Variants in CLVS1 observed in about 807,000 individuals in gnomAD.
The protein encoded by CLVS1 is clavesin-1.
In CLVS1, 10 loss-of-function variants were observed where a neutral mutation model predicts 33.1. The observed-to-expected ratio is 0.30, with a 90% CI of 0.19 to 0.51. The LOEUF is 0.51. CLVS1 is among the 20% of genes least tolerant of loss of function. The pLI is 0.97. For missense variants in CLVS1, 343 were observed against 433.4 expected (o/e 0.79, Z 1.85); for synonymous variants, 163 against 166.1 (o/e 0.98, Z 0.14).
At chr8:61,066,829 C>T (rs1263505337) in intron 1 of CLVS1, among the ~76,000 whole-genome samples, 1 of 152,182 alleles carries the variant, frequency 6.6e-6, no homozygotes, top group Non-Finnish European at 1.5e-5. Flanking sequence ...TTGTTCCTGC[C>T]AAATTAGCCA....
intron 2 of CLVS1, among the ~76,000 whole-genome samples, chr8:61,216,458 C>T (rs1353462018): frequency 1.3e-5 from 2 of 152,126 alleles, no homozygotes; most frequent in African/African-American, 4.8e-5. Flanking sequence ...TCAGCTTCCT[C>T]AGAAAGATGA....
At chr8:61,127,528 T>G (rs1170702453) in intron 1 of CLVS1, among the ~76,000 whole-genome samples, 1 of 152,060 alleles carries the variant, frequency 6.6e-6, no homozygotes, top group Non-Finnish European at 1.5e-5. Context: ...GCCTCAAGCA[T>G]TTTTTTAAGC....
At chr8:60,982,221 T>A in the CLVS1 span, among the ~76,000 whole-genome samples, 1 of 152,242 alleles carries the variant, frequency 6.6e-6, no homozygotes, top group African/African-American at 2.4e-5. Flanking sequence ...ATTAATTTCT[T>A]TGCACTGATT....
chr8:61,284,169 T>C (rs1298519157), upstream of CLVS1, among the ~76,000 whole-genome samples: 2 of 152,128 alleles, frequency 1.3e-5, no homozygotes, highest in Non-Finnish European at 2.9e-5. Flanking sequence ...TAAAGTGTTG[T>C]TGTCATAGAA....
In CLVS1 at chr8:61,059,831, G is replaced by A. The variant is rs138706104; in HGVS notation, c.-243+2601G>A. ...ATCTCAAAAAAAAAAAATAGTGAACGTATATTTATTCTGCAGCCTCCCTTG... is the reference window on the plus strand; with the variant it reads ...ATCTCAAAAAAAAAAAATAGTGAACATATATTTATTCTGCAGCCTCCCTTG... On this transcript the variant is annotated intron_variant, in intron 1 of 2. Transcript: ENST00000522621. Among the ~76,000 whole-genome samples the A allele has an allele frequency of 1.8e-3, 273 of 151,842 alleles. 3 individuals are homozygous for A. In the East Asian group the frequency reaches 0.038, roughly 21 times the overall value.
intron 2 of CLVS1, among the ~76,000 whole-genome samples, chr8:61,273,658 G>C (rs537374345): frequency 6.6e-6 from 1 of 152,198 alleles, no homozygotes; most frequent in Non-Finnish European, 1.5e-5. Context: ...GTGGGCGTAG[G>C]ACCCTCCGAG....
At chr8:61,244,885 A>G (rs1808774854) in intron 2 of CLVS1, among the ~76,000 whole-genome samples, 1 of 152,160 alleles carries the variant, frequency 6.6e-6, no homozygotes, top group African/African-American at 2.4e-5. Flanking sequence ...AACTGCAAAA[A>G]GTCTATTGAT....
intron 1 of CLVS1, among the ~76,000 whole-genome samples, chr8:61,130,973 G>T (rs1199977213): frequency 1.3e-5 from 2 of 152,214 alleles, no homozygotes; most frequent in Non-Finnish European, 2.9e-5. Flanking sequence ...AGGAGTATTT[G>T]GTTTGAGCCC....
chr8:61,194,383 CA>C (rs138645408), intron 2 of CLVS1, among the ~76,000 whole-genome samples: 1 of 151,724 alleles, frequency 6.6e-6, no homozygotes, highest in Non-Finnish European at 1.5e-5. Flanking sequence ...AAATACTAAC[CA>C]AAAAACCCTG....
intron 1 of CLVS1, among the ~76,000 whole-genome samples, chr8:61,088,116 T>A (rs1805158615): frequency 6.6e-6 from 1 of 152,250 alleles, no homozygotes; most frequent in African/African-American, 2.4e-5. Context: ...TGTGCTTCAC[T>A]GATTCATCCA....
chr8:61,449,484 A>G (rs182460924), intron 3 of CLVS1, among the ~76,000 whole-genome samples: 24 of 152,300 alleles, frequency 1.6e-4, no homozygotes. Flanking sequence ...ATCTTGTTAC[A>G]GCCTTGCTAG....
chr8:61,440,993 C>T (rs565251090), intron 3 of CLVS1, among the ~76,000 whole-genome samples: 1 of 152,098 alleles, frequency 6.6e-6, no homozygotes, highest in African/African-American at 2.4e-5. Flanking sequence ...ATTGCATGAG[C>T]ACTTCATTTT....
At chr8:61,252,414 C>T (rs1563463465) in intron 2 of CLVS1, among the ~76,000 whole-genome samples, 1 of 152,148 alleles carries the variant, frequency 6.6e-6, no homozygotes, top group Non-Finnish European at 1.5e-5. Context: ...GTGGAGAGTT[C>T]TTCAGATGTC....
At chr8:60,997,323 G>A in the CLVS1 span, among the ~76,000 whole-genome samples, 17 of 152,240 alleles carry the variant, frequency 1.1e-4, no homozygotes, top group African/African-American at 3.9e-4. Context: ...GGGAGCTGTC[G>A]CAATTAGCAT....
At chr8:61,119,886 G>A (rs773745320) in intron 1 of CLVS1, among the ~76,000 whole-genome samples, 2,643 of 132,366 alleles carry the variant, frequency 0.02, 194 homozygotes, top group Non-Finnish European at 0.031. Flanking sequence ...TCTTTGTGGC[G>A]TTCTCTGTAT....
chr8:61,345,660 G>GTGTT (rs1812192378), intron 2 of CLVS1, among the ~76,000 whole-genome samples: 1 of 151,810 alleles, frequency 6.6e-6, no homozygotes, highest in South Asian at 2.1e-4. Context: ...GTGTGTGTGT[G>GTGTT]TGTGTGTGTG....
At chr8:61,017,320 G>A in the CLVS1 span, among the ~76,000 whole-genome samples, 412 of 152,318 alleles carry the variant, frequency 2.7e-3, 2 homozygotes, top group African/African-American at 9.1e-3. Flanking sequence ...ACATGAAAAC[G>A]CTGTTTTGTG....
intron 2 of CLVS1, among the ~76,000 whole-genome samples, chr8:61,261,805 G>A (rs1809207801): frequency 6.6e-6 from 1 of 152,152 alleles, no homozygotes; most frequent in South Asian, 2.1e-4. Context: ...AAATAAATCT[G>A]TATTGTTGAT....
chr8:61,223,364 G>A (rs761271080), intron 2 of CLVS1, among the ~76,000 whole-genome samples: 14 of 152,126 alleles, frequency 9.2e-5, no homozygotes, highest in Non-Finnish European at 1.9e-4. Context: ...TTCTTGCAGG[G>A]CAGGCCTGGT....
Sources: allele counts gnomAD v4.1 joint callset (sites outside exome capture counted in the v4.1 genomes callset), GRCh38; gene constraint gnomAD v4.1.1; transcripts MANE v1.5; gene names NCBI Gene and HGNC (gene_info 2026-07-23, HGNC 2026-07-21).